The following DDX52 variants were observed in gnomAD, a reference collection of about 807,000 sequenced individuals.
DDX52 encodes probable ATP-dependent RNA helicase DDX52.
A neutral mutation model predicts 76.1 loss-of-function variants in DDX52; 59 were observed. That is an observed-to-expected ratio of 0.78 (90% CI 0.63 to 0.96). The LOEUF (loss-of-function observed/expected upper bound fraction) is 0.96, where lower values mean the gene tolerates loss of function less well. Among genes scored for constraint, DDX52 ranks in the 40% least tolerant of loss-of-function variants. DDX52 has a pLI of 0.00. For missense variants in DDX52, 707 were observed against 703.9 expected, an observed-to-expected ratio of 1.00 and a Z score of -0.05; for synonymous variants, 231 against 244.1, an observed-to-expected ratio of 0.95 and a Z score of 0.50.
intron 13 of DDX52, 113 bp downstream of exon 13, chr17:37,619,655 T>A: frequency 1.1e-6 from 1 of 887,972 alleles, no homozygotes; most frequent in Non-Finnish European, 1.7e-6. Flanking sequence ...AAGACTACAG[T>A]GAGCTGTGAT....
chr17:37,633,298 C>A lies in DDX52; in HGVS notation c.407G>T (p.Arg136Ile). 6.2e-7 allele frequency: 1 copy of A among 1,602,244 alleles called. No individual in the cohort carries two copies. The highest frequency in any genetic ancestry group is 8.5e-7 in the Non-Finnish European group (1 of 1,176,508). ...AAATATTTTTCTAACCTTTTCTTTT[C>A]TGAGATTCTCCAACTTTCCGGAAGT... ...KLTSGKLENLRKEKINFLRNK... is the reference protein window; with the variant it reads ...KLTSGKLENLIKEKINFLRNK... The change falls in exon 3 of 15, where the codon AGA becomes ATA. Residue 136 changes from arginine (R) to isoleucine (I), a missense_variant. Arg to Ile is a moderately conservative substitution (Grantham distance 97). Transcript: ENST00000617633.
At chr17:37,641,268 G>A (rs1048656048) in intron 2 of DDX52, among the ~76,000 whole-genome samples, 4 of 152,012 alleles carry the variant, frequency 2.6e-5, no homozygotes, top group African/African-American at 9.7e-5. Context: ...CAGGTGTGGT[G>A]GCAGGCACCT....
At chr17:37,626,732 A>G in intron 7 of DDX52, 56 bp downstream of exon 7, 1 of 1,551,734 alleles carries the variant, frequency 6.4e-7, no homozygotes. Context: ...TAGAGGACAA[A>G]ATATAATTAA....
intron 2 of DDX52, chr17:37,635,621 G>C: frequency 2.2e-6 from 1 of 455,818 alleles, no homozygotes; most frequent in South Asian, 1.6e-5. Context: ...AGGGACATTT[G>C]GGTCATTTCC....
chr17:37,618,183 A>G (rs1568598105), intron 14 of DDX52, 109 bp downstream of exon 14: 1 of 763,610 alleles, frequency 1.3e-6, no homozygotes, highest in Non-Finnish European at 2.1e-6. Context: ...AACGTTTTAT[A>G]ACAGACTGTA....
intron 2 of DDX52, among the ~76,000 whole-genome samples, chr17:37,638,806 G>A (rs1223633734): frequency 7.7e-6 from 1 of 129,252 alleles, no homozygotes; most frequent in Non-Finnish European, 1.6e-5. Context: ...GTCTTGCTCT[G>A]TCACCCAGGC....
chr17:37,631,760 C>A, intron 4 of DDX52: 1 of 232,002 alleles, frequency 4.3e-6, no homozygotes, highest in Non-Finnish European at 8.4e-6. Context: ...GAACATAATC[C>A]CCATTCTCCA....
intron 9 of DDX52, among the ~76,000 whole-genome samples, chr17:37,622,223 C>T (rs2030136320): frequency 6.6e-6 from 1 of 151,938 alleles, no homozygotes; most frequent in Admixed American, 6.6e-5. Context: ...TTTACATTTA[C>T]ACTATCAAAC....
intron 1 of DDX52, 191 bp downstream of exon 1, chr17:37,643,143 G>A: frequency 1.9e-6 from 1 of 531,290 alleles, no homozygotes; most frequent in Middle Eastern, 5.1e-4. Flanking sequence ...GATAGTTAAA[G>A]AGCTTATTCA....
intron 14 of DDX52, among the ~76,000 whole-genome samples, chr17:37,617,320 C>A (rs1568597663): frequency 6.6e-6 from 1 of 152,114 alleles, no homozygotes; most frequent in Non-Finnish European, 1.5e-5. Flanking sequence ...GAGAAAAAAA[C>A]AATAAATTAT....
chr17:37,628,728 ACT>A, intron 5 of DDX52, 56 bp from the exon 6 acceptor site: 9 of 1,210,608 alleles, frequency 7.4e-6, no homozygotes, highest in Non-Finnish European at 9.4e-6. Context: ...CAAGATGTAT[ACT>A]CTTTTACATG....
chr17:37,615,158 A>T (rs1267664737), intron 14 of DDX52: 1 of 152,284 alleles, frequency 6.6e-6, no homozygotes, highest in Non-Finnish European at 1.5e-5. Context: ...GCACAGAAAT[A>T]TGAGCTGAGC....
At chr17:37,630,639 G>GTTTT (rs34387906) in intron 4 of DDX52, among the ~76,000 whole-genome samples, 1 of 128,582 alleles carries the variant, frequency 7.8e-6, no homozygotes. Context: ...AACTCACTGT[G>GTTTT]TTTTTTTTTT....
In DDX52 at chr17:37,643,376, T is replaced by A; in HGVS notation, c.45A>T (p.Lys15Asn). ...CTGCCGAGAAGCGTCTCGTGTCGAA[T>A]TTGGCCCCCGCGCCGAGCCGGCGAA... The part of the protein sequence containing the change: ...DLFRRLGAGA[K>N]FDTRRFSADA... The change falls in exon 1 of 15, where the codon AAA (lysine) becomes AAT (asparagine). Residue 15 changes from lysine to asparagine, a missense_variant. By Grantham distance (94) the Lys-to-Asn change is moderately conservative. Transcript: ENST00000617633. 1 of 1,614,002 alleles carries A rather than the reference T, an allele frequency of 6.2e-7. No individual in the cohort carries two copies. The highest frequency in any genetic ancestry group is 1.1e-5 in the South Asian group (1 of 91,082).
intron 2 of DDX52, among the ~76,000 whole-genome samples, chr17:37,634,238 C>T (rs1473939431): frequency 4.6e-5 from 7 of 151,854 alleles, no homozygotes; most frequent in Non-Finnish European, 2.9e-5. Flanking sequence ...CGTGAGCCAC[C>T]GTGCCCAGCC....
At chr17:37,635,993 G>A (rs749681036) in intron 2 of DDX52, among the ~76,000 whole-genome samples, 2 of 152,130 alleles carry the variant, frequency 1.3e-5, no homozygotes, top group Non-Finnish European at 1.5e-5. Context: ...ATCTTCTTTA[G>A]TGAGTAGATA....
At chr17:37,634,546 A>AAGGAT (rs2030840456) in intron 2 of DDX52, among the ~76,000 whole-genome samples, 1 of 151,554 alleles carries the variant, frequency 6.6e-6, no homozygotes, top group South Asian at 2.1e-4. Flanking sequence ...CAGGAGAATC[A>AAGGAT]CCTGAAGCCA....
In DDX52 at chr17:37,625,933, G is replaced by A. The variant is rs2030346251; in HGVS notation, c.1098C>T (p.Leu366=). ...FAYDVEQWCK[L]NLDNVISVSI... is the part of the protein sequence containing the mutation. ...ACACACTGATGACATTGTCCAGGTT[G>A]AGTTTGCACCACTGTTCAACATCAT... The change falls in exon 8 of 15, where the codon CTC becomes CTT. Residue 366 remains leucine (L), a synonymous_variant. Transcript: ENST00000617633. 2 of 1,613,970 alleles carry A rather than the reference G, an allele frequency of 1.2e-6. No homozygotes were observed. Among genetic ancestry groups the A allele is most frequent in the Admixed American group, 1.7e-5 (1 of 60,000 alleles).
chr17:37,610,809 A>G lies in DDX52; in HGVS notation c.*3487T>C, dbSNP rs563400469. 4 of 152,244 alleles carry G rather than the reference A, an allele frequency of 2.6e-5. No individual in the cohort carries two copies. The highest frequency in any genetic ancestry group is 9.6e-5 in the African/African-American group (4 of 41,492). 9.4% of individuals were successfully genotyped at this position (152,244 alleles called of 1,614,324 possible). ...CTTGCTCATTTCACCAGAGCCAGCT[A>G]TTCAATTTTTATGTTTTTTCTTTTG... On this transcript the variant is annotated 3_prime_UTR_variant, in exon 15 of 15. Transcript: ENST00000617633.
Sources: allele counts gnomAD v4.1 joint callset (sites outside exome capture counted in the v4.1 genomes callset), GRCh38; gene constraint gnomAD v4.1.1; transcripts MANE v1.5; gene names NCBI Gene and HGNC (gene_info 2026-07-23, HGNC 2026-07-21).